Variants in RBFOX1 observed in about 807,000 individuals in gnomAD.
RBFOX1 encodes RNA binding fox-1 homolog 1.
In RBFOX1, 8 loss-of-function variants were observed where a neutral mutation model predicts 57.7. That is an observed-to-expected ratio of 0.14 (90% CI 0.08 to 0.25). RBFOX1 has a LOEUF of 0.25. Ranked by LOEUF, RBFOX1 falls within the 10% of genes least tolerant of loss-of-function variation. RBFOX1 has a pLI of 1.00. For missense variants in RBFOX1, 611 were observed against 548.5 expected, an observed-to-expected ratio of 1.11 and a Z score of -1.14; for synonymous variants, 326 against 222.4, an observed-to-expected ratio of 1.47 and a Z score of -4.15.
rs975947397 is a variant in RBFOX1 at position 6,653,117 on chromosome 16, C to T, written c.-63-1486C>T. On this transcript the variant is annotated intron_variant, in intron 2 of 15. Coordinates refer to ENST00000550418, the MANE Select transcript of RBFOX1 (RefSeq NM_018723.4). ...GCTCTTCGTTTGCCTGGGATGTTCTCTTCCCCAGTGGGCTACTTGGCTCAT... is the reference window on the plus strand; with the variant it reads ...GCTCTTCGTTTGCCTGGGATGTTCTTTTCCCCAGTGGGCTACTTGGCTCAT... Among the ~76,000 whole-genome samples, 7 of 152,142 alleles carry T rather than the reference C, an allele frequency of 4.6e-5. 1 individual carries two copies. The South Asian group carries it at 6.2e-4, about 14-fold the overall frequency.
chr16:6,872,659 T>C (rs1005894315), intron 3 of RBFOX1, among the ~76,000 whole-genome samples: 8 of 152,234 alleles, frequency 5.3e-5, no homozygotes, highest in African/African-American at 1.9e-4. Flanking sequence ...AGTAGAATGA[T>C]TGGACACTGT....
chr16:6,915,607 G>C (rs1234344936), intron 3 of RBFOX1, among the ~76,000 whole-genome samples: 4 of 146,132 alleles, frequency 2.7e-5, no homozygotes, highest in African/African-American at 1.0e-4. Flanking sequence ...CTGGAGTGCA[G>C]TGCCATGATC....
At chr16:6,563,219 C>A (rs2097208071) in intron 2 of RBFOX1, among the ~76,000 whole-genome samples, 2 of 152,102 alleles carry the variant, frequency 1.3e-5, no homozygotes, top group South Asian at 2.1e-4. Context: ...TGCGTGACTT[C>A]CAAGACAATT....
Position 5,300,945 on chromosome 16 carries a change from GCTCTTGT to G in RBFOX1, c.219+60842_219+60848del, listed in dbSNP as rs2063787110. ...CTGCCTGTCTGTCTGTCTCTCTCTCGCTCTTGTCCTGATCATTCTTTCTAGGTTTATT... is the reference window on the plus strand; with the variant it reads ...CTGCCTGTCTGTCTGTCTCTCTCTCGCCTGATCATTCTTTCTAGGTTTATT... On this transcript the variant is annotated intron_variant, in intron 1 of 2. Transcript: ENST00000585867. Among the ~76,000 whole-genome samples the G allele has an allele frequency of 2.0e-5, 3 of 151,940 alleles. No individual in the cohort carries two copies. In the South Asian group the frequency reaches 6.2e-4, roughly 32 times the overall value.
At position 6,193,424 on chromosome 16, in the gene RBFOX1, A is replaced by ATATATATATG. The variant is rs1411080081; in HGVS notation, c.-126-123569_-126-123568insTATATATGTA. On this transcript the variant is annotated intron_variant, in intron 1 of 15. Transcript: ENST00000550418. ...TATATATATATATATATATATATAT[A>ATATATATATG]TAAAATTCAGTGAGAAGGTTAGTAG... Among the ~76,000 whole-genome samples, 3 of 97,716 alleles carry ATATATATATG rather than the reference A, an allele frequency of 3.1e-5. No homozygotes were observed. The East Asian group carries it at 7.3e-4, about 24-fold the overall frequency. 64.1% of individuals were successfully genotyped at this position (97,716 alleles called of 152,430 possible).
intron 3 of RBFOX1, among the ~76,000 whole-genome samples, chr16:5,774,373 G>C (rs966077148): frequency 6.6e-6 from 1 of 152,196 alleles, no homozygotes; most frequent in African/African-American, 2.4e-5. Context: ...ATGGTGATAG[G>C]AGTTGCTGTT....
At chr16:5,811,453 A>AT (rs56359632) in intron 3 of RBFOX1, among the ~76,000 whole-genome samples, 241 of 143,080 alleles carry the variant, frequency 1.7e-3, no homozygotes, top group African/African-American at 5.0e-3. Context: ...GGAACAAAGT[A>AT]TTTTTTTTTT....
intron 4 of RBFOX1, among the ~76,000 whole-genome samples, chr16:7,493,544 C>G (rs769267645): frequency 7.2e-5 from 11 of 152,070 alleles, no homozygotes; most frequent in Non-Finnish European, 1.5e-4. Flanking sequence ...AGTGTAATCA[C>G]AACAGTACTT....
chr16:5,773,870 G>A (rs1197758003), intron 3 of RBFOX1, among the ~76,000 whole-genome samples: 1 of 151,936 alleles, frequency 6.6e-6, no homozygotes, highest in East Asian at 1.9e-4. Flanking sequence ...GCTAATTTTT[G>A]TATTTTTAGG....
intron 2 of RBFOX1, among the ~76,000 whole-genome samples, chr16:6,565,472 T>C (rs2345081): frequency 0.51 from 77,082 of 149,876 alleles, 21,255 homozygotes; most frequent in South Asian, 0.73. Flanking sequence ...TTAGCCAGGA[T>C]GGTCTCGATC....
chr16:5,279,665 C>G (rs1218111947), intron 1 of RBFOX1, among the ~76,000 whole-genome samples: 7 of 146,528 alleles, frequency 4.8e-5, no homozygotes, highest in Admixed American at 6.8e-5. Flanking sequence ...CCATGCCTGG[C>G]TAATTGTTGT....
chr16:5,884,136 C>T (rs1362060074), intron 4 of RBFOX1, among the ~76,000 whole-genome samples: 1 of 152,172 alleles, frequency 6.6e-6, no homozygotes, highest in Non-Finnish European at 1.5e-5. Context: ...TTAATTACAG[C>T]ATGGGTCACA....
At chr16:5,462,888 A>G (rs185812075) in intron 1 of RBFOX1, among the ~76,000 whole-genome samples, 1 of 152,300 alleles carries the variant, frequency 6.6e-6, no homozygotes, top group African/African-American at 2.4e-5. Flanking sequence ...CCCACGACAA[A>G]GAATAATCTG....
In RBFOX1 at chr16:7,482,243, TCAAA is replaced by T. The variant is rs1321342839; in HGVS notation, c.28-35901_28-35898del. ...GCCTGGTGCATTGCATTGTAAGAGCTCAAACAGTGTCAGCTGCAATCATCCTCAT... is the reference window on the plus strand; with the variant it reads ...GCCTGGTGCATTGCATTGTAAGAGCTCAGTGTCAGCTGCAATCATCCTCAT... On this transcript the variant is annotated intron_variant, in intron 4 of 15. Transcript: ENST00000550418. 5.3e-5 allele frequency among the ~76,000 whole-genome samples: 8 copies of T among 152,336 alleles called. No homozygotes were observed. In the East Asian group the frequency reaches 1.4e-3, roughly 26 times the overall value.
intron 4 of RBFOX1, among the ~76,000 whole-genome samples, chr16:7,297,982 C>G (rs909396514): frequency 6.6e-6 from 1 of 152,160 alleles, no homozygotes; most frequent in Non-Finnish European, 1.5e-5. Context: ...TATGCATCCA[C>G]ACACATGTTT....
chr16:6,725,926 T>A (rs978782238), intron 3 of RBFOX1, among the ~76,000 whole-genome samples: 2 of 152,226 alleles, frequency 1.3e-5, no homozygotes, highest in African/African-American at 4.8e-5. Context: ...CTGTATCTGA[T>A]GATAAACACT....
At chr16:6,175,675 G>A (rs2097000610) in intron 1 of RBFOX1, among the ~76,000 whole-genome samples, 1 of 152,140 alleles carries the variant, frequency 6.6e-6, no homozygotes, top group African/African-American at 2.4e-5. Context: ...TATAGATTTG[G>A]ATTCAGTCTG....
At chr16:6,607,924 G>C (rs184836483) in intron 2 of RBFOX1, among the ~76,000 whole-genome samples, 16 of 152,146 alleles carry the variant, frequency 1.1e-4, no homozygotes, top group Non-Finnish European at 2.4e-4. Flanking sequence ...TACTGAAATA[G>C]AATATATACA....
At chr16:6,549,545 A>AGGAGGATGGGAGGT (rs2096953800) in intron 2 of RBFOX1, among the ~76,000 whole-genome samples, 29 of 93,852 alleles carry the variant, frequency 3.1e-4, no homozygotes, top group Admixed American at 1.2e-4. Flanking sequence ...GGAGGGGAGG[A>AGGAGGATGGGAGGT]GGAGGATGGG....
Sources: gnomAD v4.1 joint callset for allele counts (sites outside exome capture counted in the v4.1 genomes callset) on GRCh38, gnomAD v4.1.1 for gene constraint, MANE v1.5 for transcripts, NCBI Gene and HGNC (gene_info 2026-07-23, HGNC 2026-07-21) for gene names.